Variants in TFB2M observed in about 807,000 individuals in gnomAD.
TFB2M encodes transcription factor B2, mitochondrial, also known as dimethyladenosine transferase 2, mitochondrial.
TFB2M carries 44 observed loss-of-function variants against 41.3 expected under a neutral mutation model. That is an observed-to-expected ratio of 1.07 (90% CI 0.84 to 1.37). The LOEUF is 1.37. TFB2M is among the 40% of genes most tolerant of loss of function. The pLI is 0.00. For synonymous variants in TFB2M, 188 were observed against 176.8 expected (o/e 1.06, Z -0.50); for missense variants, 496 against 490.2 (o/e 1.01, Z -0.11).
intron 5 of TFB2M, among the ~76,000 whole-genome samples, chr1:246,550,014 G>C (rs1162682603): frequency 1.3e-5 from 2 of 152,224 alleles, no homozygotes; most frequent in African/African-American, 4.8e-5. Context: ...ACACAGTGGA[G>C]CAAGTGCTGA....
chr1:246,545,212 A>T (rs1314893486), intron 6 of TFB2M, among the ~76,000 whole-genome samples: 1 of 152,122 alleles, frequency 6.6e-6, no homozygotes, highest in Non-Finnish European at 1.5e-5. Context: ...TTGAGGGAGG[A>T]GATAACGTCT....
In TFB2M at chr1:246,556,613, C is replaced by T. The variant is rs768639602; in HGVS notation, c.665G>A (p.Arg222Gln). ...YSCTSIYKFG[R>Q]IEVNMFIGEK... ...ACCAATAAACATATTTACTTCTATT[C>T]GTCCAAATTTATATATAGAAGTACA... Residue 222 changes from arginine to glutamine, a missense_variant, in exon 4 of 8, where the codon CGA becomes CAA. Physicochemically the swap from Arg to Gln is conservative, Grantham distance 43 (BLOSUM62 1). Transcript: ENST00000366514. 5 of 1,537,746 alleles carry T rather than the reference C, an allele frequency of 3.3e-6. No individual in the cohort carries two copies. The highest frequency in any genetic ancestry group is 2.3e-5 in the East Asian group (1 of 43,012).
chr1:246,565,925 TAA>T lies in TFB2M; in HGVS notation c.212_213del (p.Phe71Ter). On this transcript the variant is annotated frameshift_variant, in exon 1 of 8. Coordinates refer to ENST00000366514, the MANE Select transcript of TFB2M (RefSeq NM_022366.3). LOFTEE classifies it high-confidence loss of function. ...AATCTCCGATCGGTTACGTAACGCT[TAA>T]AGTCTAAGCTGGCCTTAGACGCCTT... Reference protein sequence around the residue: ...PRKASKASLDFKRYVTDRRLA... With the variant: ...PRKASKASLDXKRYVTDRRLA... The T allele has an allele frequency of 6.2e-7, 1 of 1,614,154 alleles. No individual in the cohort carries two copies. The highest frequency in any genetic ancestry group is 8.5e-7 in the Non-Finnish European group (1 of 1,180,010).
chr1:246,564,146 C>T (rs1047540409), intron 2 of TFB2M, among the ~76,000 whole-genome samples, 200 bp downstream of exon 2: 1 of 152,210 alleles, frequency 6.6e-6, no homozygotes, highest in Admixed American at 6.5e-5. Context: ...GCAAACAAGT[C>T]TTAGAACTCC....
At chr1:246,543,981 C>A (rs1009935602) in intron 7 of TFB2M, among the ~76,000 whole-genome samples, 7 of 152,104 alleles carry the variant, frequency 4.6e-5, no homozygotes, top group African/African-American at 1.4e-4. Flanking sequence ...CACAGCGAGA[C>A]CCTGTCTCTA....
chr1:246,552,942 C>G (rs779344012), intron 4 of TFB2M, among the ~76,000 whole-genome samples: 9 of 151,992 alleles, frequency 5.9e-5, no homozygotes, highest in Non-Finnish European at 1.3e-4. Flanking sequence ...AAAAACCTGG[C>G]TGGGCGCTGT....
At chr1:246,551,000 G>A (rs934769765) in intron 5 of TFB2M, among the ~76,000 whole-genome samples, 17 of 152,116 alleles carry the variant, frequency 1.1e-4, no homozygotes, top group Admixed American at 1.1e-3. Flanking sequence ...GACCAGGCTG[G>A]GCAATATTCT....
intron 4 of TFB2M, among the ~76,000 whole-genome samples, chr1:246,555,470 G>A (rs888860991): frequency 4.6e-5 from 7 of 152,056 alleles, no homozygotes; most frequent in African/African-American, 1.4e-4. Flanking sequence ...CAGCTTGGGG[G>A]CTGAGGCGGG....
rs1303221272 is a variant in TFB2M, at chr1:246,565,870, C to T, written c.269G>A (p.Gly90Glu). The T allele has an allele frequency of 2.5e-6, 4 of 1,609,248 alleles. No individual in the cohort carries two copies. The highest frequency in any genetic ancestry group is 2.7e-5 in the African/African-American group (2 of 74,832). Residue 90 changes from glycine to glutamate, a missense_variant, in exon 1 of 8, where the codon GGA becomes GAA. By Grantham distance (98) the Gly-to-Glu change is moderately conservative. Transcript: ENST00000366514. ...TAGGTGTGGAGGTCTACTTGGTTTTCCCAAATAGATTTGCGCCAGGGTCTC... is the reference window on the plus strand; with the variant it reads ...TAGGTGTGGAGGTCTACTTGGTTTTTCCAAATAGATTTGCGCCAGGGTCTC... ...LAETLAQIYLGKPSRPPHLLL... is the reference protein window; with the variant it reads ...LAETLAQIYLEKPSRPPHLLL...
intron 7 of TFB2M, among the ~76,000 whole-genome samples, chr1:246,542,536 A>C (rs535980880): frequency 6.6e-6 from 1 of 151,928 alleles, no homozygotes; most frequent in African/African-American, 2.4e-5. Context: ...AGCTGGGCAT[A>C]GTGGTGGGCA....
At chr1:246,547,417 T>C (rs1008589942) in intron 6 of TFB2M, among the ~76,000 whole-genome samples, 3 of 152,242 alleles carry the variant, frequency 2.0e-5, no homozygotes, top group East Asian at 3.8e-4. Flanking sequence ...CCAAATGTAC[T>C]GTATTAGACA....
intron 6 of TFB2M, among the ~76,000 whole-genome samples, chr1:246,547,277 C>T (rs3120703): frequency 0.62 from 94,042 of 152,004 alleles, 31,119 homozygotes; most frequent in Middle Eastern, 0.78. Flanking sequence ...CCACCACGTC[C>T]GGCCAAGTTT....
chr1:246,552,104 A>G (rs1659200880), intron 4 of TFB2M, among the ~76,000 whole-genome samples: 1 of 152,130 alleles, frequency 6.6e-6, no homozygotes, highest in Non-Finnish European at 1.5e-5. Context: ...ATTTAAGCAG[A>G]GAAAACTAGA....
chr1:246,548,202 G>C (rs3129574), intron 6 of TFB2M, among the ~76,000 whole-genome samples: 135,035 of 152,148 alleles, frequency 0.89, 61,820 homozygotes, highest in East Asian at 1. Flanking sequence ...ATTTCTAATC[G>C]ATTAATACGT....
chr1:246,563,702 A>G (rs1367434630), intron 2 of TFB2M, among the ~76,000 whole-genome samples: 1 of 152,190 alleles, frequency 6.6e-6, no homozygotes, highest in East Asian at 1.9e-4. Context: ...CTGATGGTCC[A>G]ATGTACACAA....
intron 5 of TFB2M, 135 bp downstream of exon 5, chr1:246,551,078 G>T: frequency 1.5e-6 from 1 of 652,384 alleles, no homozygotes; most frequent in Non-Finnish European, 2.7e-6. Flanking sequence ...CAGAGGCTAA[G>T]GTGAGAGGAT....
intron 6 of TFB2M, among the ~76,000 whole-genome samples, chr1:246,545,273 A>G (rs1572084129): frequency 6.6e-6 from 1 of 152,112 alleles, no homozygotes; most frequent in East Asian, 2.0e-4. Context: ...GCTCATGCCC[A>G]TGATCCCAGC....
At chr1:246,560,633 T>G (rs1196909647) in intron 2 of TFB2M, among the ~76,000 whole-genome samples, 2 of 152,204 alleles carry the variant, frequency 1.3e-5, no homozygotes, top group African/African-American at 4.8e-5. Flanking sequence ...CAGTTAACAC[T>G]CAACAATTCA....
intron 5 of TFB2M, among the ~76,000 whole-genome samples, chr1:246,550,121 A>C (rs1379189584): frequency 6.6e-6 from 1 of 152,272 alleles, no homozygotes; most frequent in East Asian, 1.9e-4. Flanking sequence ...GGGAACAAGA[A>C]GACGAAAACA....
Sources: allele counts gnomAD v4.1 joint callset (sites outside exome capture counted in the v4.1 genomes callset), GRCh38; gene constraint gnomAD v4.1.1; transcripts MANE v1.5; gene names NCBI Gene and HGNC (gene_info 2026-07-23, HGNC 2026-07-21).